The following N4BP2L2 variants were observed in gnomAD, a reference collection of about 807,000 sequenced individuals.
N4BP2L2 encodes the protein NEDD4-binding protein 2-like 2.
N4BP2L2 carries 50 observed loss-of-function variants against 56.2 expected under a neutral mutation model. That is an observed-to-expected ratio of 0.89 (90% CI 0.71 to 1.13). The LOEUF (loss-of-function observed/expected upper bound fraction) is 1.13, where lower values mean the gene tolerates loss of function less well. Among genes scored for constraint, N4BP2L2 ranks in the 50% most tolerant of loss-of-function variants. The pLI is 0.00. For missense variants in N4BP2L2, 689 were observed against 693.8 expected (o/e 0.99, Z 0.08); for synonymous variants, 203 against 223.6 (o/e 0.91, Z 0.82).
chr13:32,468,802 G>C (rs1204852014), intron 6 of N4BP2L2, among the ~76,000 whole-genome samples: 1 of 152,238 alleles, frequency 6.6e-6, no homozygotes, highest in Non-Finnish European at 1.5e-5. Context: ...AAAAGAGAGA[G>C]AGCCAGAGTT....
chr13:32,453,859 T>C (rs1406777062), intron 6 of N4BP2L2, among the ~76,000 whole-genome samples: 1 of 152,210 alleles, frequency 6.6e-6, no homozygotes, highest in Non-Finnish European at 1.5e-5. Flanking sequence ...AACTCAAAAC[T>C]TTCCTAGGAC....
At chr13:32,485,940 T>G (rs1007443925) in intron 6 of N4BP2L2, among the ~76,000 whole-genome samples, 3 of 151,918 alleles carry the variant, frequency 2.0e-5, no homozygotes, top group Non-Finnish European at 1.5e-5. Flanking sequence ...TGTGGTGATG[T>G]GGGCCTGTAG....
intron 6 of N4BP2L2, among the ~76,000 whole-genome samples, chr13:32,459,232 A>G (rs2079541374): frequency 6.6e-6 from 1 of 152,098 alleles, no homozygotes; most frequent in African/African-American, 2.4e-5. Flanking sequence ...TCAAGGAACT[A>G]GAAAAGCAAA....
chr13:32,436,805 A>AGG, intron 8 of N4BP2L2, among the ~76,000 whole-genome samples: 1 of 131,242 alleles, frequency 7.6e-6, no homozygotes, highest in African/African-American at 3.4e-5. Flanking sequence ...AAAAAAAAAA[A>AGG]AAAAAGAAAG....
chr13:32,440,489 A>C (rs1198680332), intron 7 of N4BP2L2, among the ~76,000 whole-genome samples: 1 of 152,068 alleles, frequency 6.6e-6, no homozygotes, highest in Non-Finnish European at 1.5e-5. Context: ...TTTTTTTTGA[A>C]AGAGTCTTAC....
At chr13:32,465,815 G>A (rs771727047) in intron 6 of N4BP2L2, among the ~76,000 whole-genome samples, 9 of 151,974 alleles carry the variant, frequency 5.9e-5, no homozygotes, top group Admixed American at 1.3e-4. Context: ...CACCACTCCT[G>A]GCTAATTGTT....
At chr13:32,517,131 C>G in exon 6 of N4BP2L2, 1 of 985,004 alleles carries the variant, frequency 1.0e-6, no homozygotes, top group Non-Finnish European at 1.2e-6. Context: ...CAAGAACTGG[C>G]AAGCATGTGG....
chr13:32,509,172 A>C (rs889284503), downstream of N4BP2L2: 2 of 152,068 alleles, frequency 1.3e-5, no homozygotes, highest in African/African-American at 2.4e-5. Flanking sequence ...CTCCATCTCC[A>C]CGTTTCCTAT....
chr13:32,519,625 G>A (rs1335078011), intron 5 of N4BP2L2, among the ~76,000 whole-genome samples: 2 of 151,970 alleles, frequency 1.3e-5, no homozygotes, highest in Non-Finnish European at 2.9e-5. Context: ...ACTCCAGCCT[G>A]GGAAACAAAA....
chr13:32,462,132 ACATGCACCCC>A (rs2080222298), intron 6 of N4BP2L2, among the ~76,000 whole-genome samples: 1 of 152,170 alleles, frequency 6.6e-6, no homozygotes, highest in African/African-American at 2.4e-5. Flanking sequence ...TCAAAGGGAT[ACATGCACCCC>A]CATGTTTATT....
chr13:32,533,099 A>G (rs1358800688), intron 2 of N4BP2L2, among the ~76,000 whole-genome samples: 2 of 152,146 alleles, frequency 1.3e-5, no homozygotes, highest in African/African-American at 4.8e-5. Context: ...AGTAGTTTCT[A>G]AATTTTAATA....
chr13:32,535,365 A>C (rs2056276056), intron 2 of N4BP2L2, among the ~76,000 whole-genome samples: 2 of 152,218 alleles, frequency 1.3e-5, no homozygotes, highest in Admixed American at 1.3e-4. Context: ...CACTGCCATA[A>C]TTATACGTAG....
At chr13:32,508,772 T>C (rs2091339506), downstream of N4BP2L2, 1 of 152,152 alleles carries the variant, frequency 6.6e-6, no homozygotes, top group African/African-American at 2.4e-5. Flanking sequence ...CATTTGTGTG[T>C]TTTCTTTTTT....
chr13:32,526,818 G>GTTTTTTTTTTTTTTT lies in N4BP2L2; in HGVS notation c.1384+575_1384+589dup, dbSNP rs35925361. 2.8e-3 allele frequency: 68 copies of GTTTTTTTTTTTTTTT among 24,246 alleles called. 20 individuals are homozygous for GTTTTTTTTTTTTTTT. The highest frequency in any genetic ancestry group is 3.6e-3 in the Non-Finnish European group (45 of 12,584). The allele number at this position is 24,246 out of a possible 1,614,324, so 1.5% of individuals were successfully genotyped here. A position where few individuals can be genotyped will look rare whatever the true frequency, so the allele number is the denominator to read the frequency against. On this transcript the variant is annotated intron_variant, in intron 3 of 5. Transcript: ENST00000267068. ...CTGAGGCCAGGCACACTTTTTGTCT[G>GTTTTTTTTTTTTTTT]TTTTTTTTTTTTTTTTTTTTTTTTT...
chr13:32,470,979 T>C (rs1463724172), intron 6 of N4BP2L2, among the ~76,000 whole-genome samples: 1 of 152,244 alleles, frequency 6.6e-6, no homozygotes, highest in Admixed American at 6.5e-5. Context: ...CAGTCTAGCC[T>C]AGTACTGACA....
At chr13:32,442,448 A>G (rs765983152) in exon 7 of N4BP2L2, 3 of 1,612,098 alleles carry the variant, frequency 1.9e-6, no homozygotes, top group East Asian at 2.2e-5. Context: ...CCTTGTGATA[A>G]TGGTAGCTCA....
At chr13:32,530,735 C>T (rs939905938) in intron 2 of N4BP2L2, among the ~76,000 whole-genome samples, 2 of 151,904 alleles carry the variant, frequency 1.3e-5, no homozygotes, top group African/African-American at 2.4e-5. Flanking sequence ...GATAAAGCAC[C>T]TCCTTGACCC....
intron 6 of N4BP2L2, among the ~76,000 whole-genome samples, chr13:32,481,947 T>G (rs2084844569): frequency 6.6e-6 from 1 of 152,158 alleles, no homozygotes; most frequent in Non-Finnish European, 1.5e-5. Context: ...AGTTCAAAAT[T>G]TAAGTATATA....
chr13:32,501,881 A>G (rs1347860134), intron 6 of N4BP2L2, among the ~76,000 whole-genome samples: 1 of 152,004 alleles, frequency 6.6e-6, no homozygotes, highest in Non-Finnish European at 1.5e-5. Context: ...AGATCATACC[A>G]ACAGTCTATG....
Sources: gnomAD v4.1 joint callset for allele counts (sites outside exome capture counted in the v4.1 genomes callset) on GRCh38, gnomAD v4.1.1 for gene constraint, MANE v1.5 for transcripts, NCBI Gene and HGNC (gene_info 2026-07-23, HGNC 2026-07-21) for gene names.